The following DOC2B variants were observed in gnomAD, a reference collection of about 807,000 sequenced individuals.
DOC2B encodes double C2-like domain-containing protein beta.
DOC2B carries 21 observed loss-of-function variants against 28.9 expected under a neutral mutation model. That is an observed-to-expected ratio of 0.73 (90% CI 0.52 to 1.05). The LOEUF (loss-of-function observed/expected upper bound fraction) is 1.05. DOC2B is among the 50% of genes least tolerant of loss of function. The pLI is 0.00. For synonymous variants in DOC2B, 194 were observed against 178.1 expected (o/e 1.09, Z -0.71); for missense variants, 384 against 421.1 (o/e 0.91, Z 0.77).
At chr17:155,696 C>A (rs531098964) in intron 6 of DOC2B, among the ~76,000 whole-genome samples, 1 of 152,250 alleles carries the variant, frequency 6.6e-6, no homozygotes, top group African/African-American at 2.4e-5. Context: ...CACAGCTCTG[C>A]GGCCCAGGCC....
chr17:148,064 G>C (rs1399393265), intron 8 of DOC2B, 109 bp downstream of exon 8: 10 of 397,318 alleles, frequency 2.5e-5, no homozygotes, highest in African/African-American at 2.1e-4. Flanking sequence ...CCTGACCTAG[G>C]GGCAGGTGGT....
Position 147,445 on chromosome 17 carries a change from T to C in DOC2B, c.1235A>G (p.Asp412Gly), listed in dbSNP as rs1294938414. 2 of 398,662 alleles carry C rather than the reference T, an allele frequency of 5.0e-6. No individual in the cohort carries two copies. The highest frequency in any genetic ancestry group is 8.8e-6 in the Non-Finnish European group (2 of 226,198). 24.7% of individuals were successfully genotyped at this position (398,662 alleles called of 1,614,324 possible). The change falls in exon 9 of 9, where the codon GAC becomes GGC. Residue 412 changes from aspartate to glycine, a missense_variant. Physicochemically the swap from Asp to Gly is moderately conservative, Grantham distance 94 (BLOSUM62 -1). Coordinates refer to ENST00000613549, the MANE Select transcript of DOC2B (RefSeq NM_003585.5). ...TSELPGAVLS[D>G] ...GGTAGCAGTGGCGGGTGGGCGTCAG[T>C]CGCTGAGCACAGCCCCTGGGAGCTC...
intron 1 of DOC2B, among the ~76,000 whole-genome samples, chr17:175,112 C>G (rs1013414242): frequency 6.6e-6 from 1 of 152,196 alleles, no homozygotes; most frequent in Non-Finnish European, 1.5e-5. Flanking sequence ...GTGGCGCATG[C>G]CTGTGGTCCC....
chr17:170,134 G>A (rs757265365), intron 2 of DOC2B, among the ~76,000 whole-genome samples: 1 of 152,218 alleles, frequency 6.6e-6, no homozygotes, highest in Non-Finnish European at 1.5e-5. Flanking sequence ...TACAAAGTTG[G>A]ACAGAGGGAA....
Position 161,843 on chromosome 17 carries a change from T to G in DOC2B, c.638+238A>C, listed in dbSNP as rs926401581. Reference sequence around the variant, plus strand: ...CTGGAGGGAACCACCTCCAGCACCCTGAGAGGCCCCAGGAAGCACCTTCAG... The same window carrying G: ...CTGGAGGGAACCACCTCCAGCACCCGGAGAGGCCCCAGGAAGCACCTTCAG... On this transcript the variant is annotated intron_variant, in intron 4 of 8. Coordinates refer to ENST00000613549, the MANE Select transcript of DOC2B (RefSeq NM_003585.5). Among the ~76,000 whole-genome samples the G allele has an allele frequency of 9.2e-5, 14 of 152,290 alleles. 1 individual carries two copies. Among genetic ancestry groups the G allele is most frequent in the African/African-American group, 2.9e-4 (12 of 41,572 alleles).
chr17:180,531 C>T (rs900495085), intron 1 of DOC2B, among the ~76,000 whole-genome samples: 1 of 152,142 alleles, frequency 6.6e-6, no homozygotes, highest in African/African-American at 2.4e-5. Context: ...AAAGGACAAG[C>T]GGCCCCGCGG....
chr17:156,846 T>G (rs2040141624), intron 5 of DOC2B, among the ~76,000 whole-genome samples: 1 of 152,254 alleles, frequency 6.6e-6, no homozygotes, highest in African/African-American at 2.4e-5. Context: ...CCCAAAGTGC[T>G]GGGATTACAG....
chr17:149,498 A>G (rs2040049755), intron 6 of DOC2B, among the ~76,000 whole-genome samples: 1 of 152,096 alleles, frequency 6.6e-6, no homozygotes, highest in Admixed American at 6.6e-5. Flanking sequence ...TAATTTTCAT[A>G]AAGCTCACAT....
chr17:164,563 T>C (rs1179071424), intron 2 of DOC2B, among the ~76,000 whole-genome samples: 1 of 152,094 alleles, frequency 6.6e-6, no homozygotes, highest in Non-Finnish European at 1.5e-5. Context: ...CTACCAAGCG[T>C]GGCCTCCTGA....
chr17:147,186 G>A lies in DOC2B; in HGVS notation c.*255C>T, dbSNP rs1036638687. ...TGTCCCCTTCCCCTGGGCAGGTGCT[G>A]AGGTCTCTTTCCACCACCGGCCTCT... On this transcript the variant is annotated 3_prime_UTR_variant, in exon 9 of 9. Transcript: ENST00000613549. 1.2e-4 allele frequency: 45 copies of A among 372,526 alleles called. No homozygotes were observed. The highest frequency in any genetic ancestry group is 7.0e-4 in the Middle Eastern group (1 of 1,436). The allele number at this position is 372,526 out of a possible 1,614,324, so 23.1% of individuals were successfully genotyped here.
rs1340367981 is a variant in DOC2B, at chr17:147,121, G to A, written c.*320C>T. Reference sequence around the variant, plus strand: ...CCCCCACACTCCTGTCCTCTCAGCCGGGGCTGGCCTCTAGAAGGGTCTTTG... The same window carrying A: ...CCCCCACACTCCTGTCCTCTCAGCCAGGGCTGGCCTCTAGAAGGGTCTTTG... On this transcript the variant is annotated 3_prime_UTR_variant, in exon 9 of 9. Transcript: ENST00000613549. 7 of 260,778 alleles carry A rather than the reference G, an allele frequency of 2.7e-5. No homozygotes were observed. Among genetic ancestry groups the A allele is most frequent in the South Asian group, 1.7e-4 (1 of 5,774 alleles). The allele number at this position is 260,778 out of a possible 1,614,324, so 16.2% of individuals were successfully genotyped here.
rs1373993306 is a variant in DOC2B, at chr17:144,262, GTTTGTTTT to G, written c.*3171_*3178del. The G allele has an allele frequency of 3.3e-5, 5 of 151,866 alleles. No homozygotes were observed. The highest frequency in any genetic ancestry group is 2.0e-4 in the Admixed American group (3 of 15,242). The allele number at this position is 151,866 out of a possible 1,614,324, so 9.4% of individuals were successfully genotyped here. On this transcript the variant is annotated 3_prime_UTR_variant, in exon 9 of 9. Transcript: ENST00000613549. ...TCTGCAGCTTCTCAAAGCGTTGTTTGTTTGTTTTTTTTCTGAGACGGAGTCTTGCTCTG... is the reference window on the plus strand; with the variant it reads ...TCTGCAGCTTCTCAAAGCGTTGTTTGTTTTCTGAGACGGAGTCTTGCTCTG...
chr17:158,652 A>C, intron 5 of DOC2B, among the ~76,000 whole-genome samples: 1 of 152,230 alleles, frequency 6.6e-6, no homozygotes, highest in East Asian at 1.9e-4. Flanking sequence ...CAGGCCTGCG[A>C]GATCTCGCTA....
intron 7 of DOC2B, among the ~76,000 whole-genome samples, chr17:148,607 C>T (rs1164264948): frequency 6.6e-6 from 1 of 152,104 alleles, no homozygotes; most frequent in Admixed American, 6.5e-5. Flanking sequence ...CTCTGTGGGA[C>T]CCTCCCTTCC....
intron 2 of DOC2B, among the ~76,000 whole-genome samples, chr17:166,026 G>C (rs946629131): frequency 6.6e-6 from 1 of 152,110 alleles, no homozygotes; most frequent in Non-Finnish European, 1.5e-5. Context: ...CGAGACACCC[G>C]TGGGAGCTAG....
In DOC2B at chr17:158,851, C is replaced by T. The variant is rs1204996658; in HGVS notation, c.766-2474G>A. Among the ~76,000 whole-genome samples, 5 of 152,042 alleles carry T rather than the reference C, an allele frequency of 3.3e-5. No individual in the cohort carries two copies. In the South Asian group the frequency reaches 1.0e-3, roughly 32 times the overall value. On this transcript the variant is annotated intron_variant, in intron 5 of 8. Coordinates refer to ENST00000613549, the MANE Select transcript of DOC2B (RefSeq NM_003585.5). ...CCTGAGGTCAGCAGCTCAGGACCAG[C>T]CTGGCCAACATGGTGAAACCCCATC... is the stretch of plus-strand genomic sequence containing the variant.
chr17:170,815 C>G (rs2151352828), intron 2 of DOC2B, among the ~76,000 whole-genome samples: 6,158 of 68,984 alleles, frequency 0.089, 156 homozygotes, highest in Middle Eastern at 0.14. Flanking sequence ...CTGCAGAGGG[C>G]AGCACCAGGG....
intron 1 of DOC2B, among the ~76,000 whole-genome samples, chr17:178,312 G>C (rs1357932749): frequency 2.0e-5 from 3 of 152,276 alleles, no homozygotes; most frequent in Non-Finnish European, 2.9e-5. Context: ...ACAGTGCTGA[G>C]GGGCTGCTGC....
chr17:170,306 G>A (rs567311384), intron 2 of DOC2B, among the ~76,000 whole-genome samples: 28 of 152,308 alleles, frequency 1.8e-4, no homozygotes, highest in Admixed American at 1.1e-3. Flanking sequence ...GGGATGGAGC[G>A]TGCAGGCCTC....
Sources: allele counts gnomAD v4.1 joint callset (sites outside exome capture counted in the v4.1 genomes callset), GRCh38; gene constraint gnomAD v4.1.1; transcripts MANE v1.5; gene names NCBI Gene and HGNC (gene_info 2026-07-23, HGNC 2026-07-21).